The following NMNAT2 variants were observed in gnomAD, a reference collection of about 807,000 sequenced individuals.
NMNAT2 encodes nicotinamide nucleotide adenylyltransferase 2, also known as nicotinamide/nicotinic acid mononucleotide adenylyltransferase 2.
Under a neutral mutation model 41.6 loss-of-function variants are expected in NMNAT2, and 11 were observed. That is an observed-to-expected ratio of 0.26 (90% CI 0.17 to 0.44). NMNAT2 has a LOEUF of 0.44. NMNAT2 is among the 20% of genes least tolerant of loss of function. NMNAT2 has a pLI of 1.00. For synonymous variants in NMNAT2, 148 were observed against 151.2 expected, an observed-to-expected ratio of 0.98 and a Z score of 0.16; for missense variants, 288 against 407.7, an observed-to-expected ratio of 0.71 and a Z score of 2.53.
chr1:183,342,916 T>C (rs1288302735), intron 1 of NMNAT2, among the ~76,000 whole-genome samples: 6 of 151,240 alleles, frequency 4.0e-5, no homozygotes, highest in Admixed American at 2.0e-4. Flanking sequence ...ATTATTATTA[T>C]TATTATTATT....
chr1:183,302,762 C>A (rs932497857), intron 1 of NMNAT2, among the ~76,000 whole-genome samples: 15 of 152,222 alleles, frequency 9.9e-5, no homozygotes, highest in Admixed American at 5.9e-4. Flanking sequence ...GAGAGCCTGC[C>A]TCACCTGTCA....
intron 1 of NMNAT2, among the ~76,000 whole-genome samples, chr1:183,391,766 C>CA (rs1648487946): frequency 6.6e-6 from 1 of 152,226 alleles, no homozygotes; most frequent in Non-Finnish European, 1.5e-5. Context: ...TTCACTCCAA[C>CA]AATCACTTCT....
intron 1 of NMNAT2, among the ~76,000 whole-genome samples, chr1:183,332,977 G>C (rs922545963): frequency 6.6e-6 from 1 of 152,134 alleles, no homozygotes; most frequent in African/African-American, 2.4e-5. Context: ...ATCTTAGGAT[G>C]GCCTTATGGC....
chr1:183,387,049 G>A (rs1351222652), intron 1 of NMNAT2, among the ~76,000 whole-genome samples: 1 of 151,680 alleles, frequency 6.6e-6, no homozygotes, highest in East Asian at 1.9e-4. Flanking sequence ...GAAATTGTTT[G>A]ATAAAATGTG....
chr1:183,296,031 G>C (rs144477032), intron 1 of NMNAT2, among the ~76,000 whole-genome samples: 1 of 152,212 alleles, frequency 6.6e-6, no homozygotes, highest in East Asian at 1.9e-4. Flanking sequence ...TGTATTTTTA[G>C]TAGAGATGGG....
chr1:183,287,821 G>A (rs373323420), intron 4 of NMNAT2, among the ~76,000 whole-genome samples: 1 of 152,342 alleles, frequency 6.6e-6, no homozygotes, highest in East Asian at 1.9e-4. Context: ...CCAAGGCTGG[G>A]GTGATCTTCT....
chr1:183,372,247 G>A (rs770472141), intron 1 of NMNAT2, among the ~76,000 whole-genome samples: 2 of 152,114 alleles, frequency 1.3e-5, no homozygotes, highest in Non-Finnish European at 2.9e-5. Context: ...ATTGGCTAGT[G>A]AAAAAAATTA....
intron 1 of NMNAT2, among the ~76,000 whole-genome samples, chr1:183,407,103 C>T (rs1007442393): frequency 2.0e-5 from 3 of 152,168 alleles, no homozygotes; most frequent in African/African-American, 7.2e-5. Context: ...AGGCGTGAGC[C>T]ACTGCACCTG....
intron 1 of NMNAT2, among the ~76,000 whole-genome samples, chr1:183,399,353 C>G (rs1198444224): frequency 6.6e-6 from 1 of 152,086 alleles, no homozygotes; most frequent in Non-Finnish European, 1.5e-5. Flanking sequence ...CCTCCCAAGA[C>G]TAAACCAGGA....
intron 1 of NMNAT2, among the ~76,000 whole-genome samples, chr1:183,373,041 A>C (rs1663585751): frequency 6.6e-6 from 1 of 152,238 alleles, no homozygotes; most frequent in African/African-American, 2.4e-5. Flanking sequence ...TCATCCCTGC[A>C]GCTGACAGAC....
chr1:183,260,819 CA>C (rs35660466), intron 10 of NMNAT2, among the ~76,000 whole-genome samples, 182 bp downstream of exon 10: 25,116 of 75,164 alleles, frequency 0.33, 1,903 homozygotes, highest in Middle Eastern at 0.42. Flanking sequence ...GACGCTGTCT[CA>C]AAAAAAAAAA....
chr1:183,251,780 A>G lies in NMNAT2; in HGVS notation c.*861T>C. The G allele has an allele frequency of 6.5e-6, 1 of 154,916 alleles. No individual in the cohort carries two copies. Among genetic ancestry groups the G allele is most frequent in the Non-Finnish European group, 1.4e-5 (1 of 69,068 alleles). The allele number at this position is 154,916 out of a possible 1,614,324, so 9.6% of individuals were successfully genotyped here. The stretch of plus-strand genomic sequence containing the variant: ...GAAACTAAGAAAACAGATTCAAATT[A>G]TTCTGAGAAAACCGACTATTCACAG... On this transcript the variant is annotated 3_prime_UTR_variant, in exon 11 of 11. Coordinates refer to ENST00000287713, the MANE Select transcript of NMNAT2 (RefSeq NM_015039.4).
At chr1:183,276,502 T>G (rs1661127135) in intron 8 of NMNAT2, among the ~76,000 whole-genome samples, 1 of 152,154 alleles carries the variant, frequency 6.6e-6, no homozygotes, top group Admixed American at 6.5e-5. Context: ...AGAGAGGGAT[T>G]GGCCTGCAGC....
intron 1 of NMNAT2, among the ~76,000 whole-genome samples, chr1:183,357,018 A>C (rs975845900): frequency 6.6e-6 from 1 of 152,140 alleles, no homozygotes; most frequent in Non-Finnish European, 1.5e-5. Context: ...CATCTGCTAC[A>C]GATAATATAA....
chr1:183,385,459 G>A (rs1648203164), intron 1 of NMNAT2, among the ~76,000 whole-genome samples: 1 of 152,160 alleles, frequency 6.6e-6, no homozygotes, highest in African/African-American at 2.4e-5. Context: ...AGCAGGCACA[G>A]GTCTAATTGA....
intron 1 of NMNAT2, among the ~76,000 whole-genome samples, chr1:183,333,971 A>T (rs1571604141): frequency 1.3e-5 from 2 of 152,354 alleles, no homozygotes; most frequent in South Asian, 4.1e-4. Context: ...GGAGAAAATG[A>T]TCTCATTGTT....
intron 4 of NMNAT2, among the ~76,000 whole-genome samples, chr1:183,287,229 C>T (rs577448331): frequency 6.6e-6 from 1 of 152,256 alleles, no homozygotes; most frequent in African/African-American, 2.4e-5. Context: ...ACATGAATAT[C>T]TGCCCTCCCC....
intron 1 of NMNAT2, among the ~76,000 whole-genome samples, chr1:183,379,741 TGGTAAC>T (rs1187551788): frequency 6.6e-6 from 1 of 152,168 alleles, no homozygotes; most frequent in African/African-American, 2.4e-5. Context: ...TATCCATAAT[TGGTAAC>T]AGTCATCACA....
intron 2 of NMNAT2, 73 bp from the exon 3 acceptor site, chr1:183,292,930 C>A: frequency 7.2e-7 from 1 of 1,386,532 alleles, no homozygotes; most frequent in Admixed American, 1.8e-5. Context: ...CCAGCCCAAG[C>A]CCACCCATTG....
Sources: gnomAD v4.1 joint callset for allele counts (sites outside exome capture counted in the v4.1 genomes callset) on GRCh38, gnomAD v4.1.1 for gene constraint, MANE v1.5 for transcripts, NCBI Gene and HGNC (gene_info 2026-07-23, HGNC 2026-07-21) for gene names.